Variants in GRIN2A observed in about 807,000 individuals in gnomAD.
The protein encoded by GRIN2A is glutamate ionotropic receptor NMDA type subunit 2A, also known as glutamate receptor ionotropic, NMDA 2A.
Under a neutral mutation model 113.4 loss-of-function variants are expected in GRIN2A, and 22 were observed. The observed-to-expected ratio is 0.19, with a 90% confidence interval of 0.14 to 0.28. The LOEUF (loss-of-function observed/expected upper bound fraction) is 0.28, where lower values mean the gene tolerates loss of function less well. Ranked by LOEUF, GRIN2A falls within the 10% of genes least tolerant of loss-of-function variation. The pLI is 1.00. For synonymous variants in GRIN2A, 827 were observed against 738.4 expected, an observed-to-expected ratio of 1.12 and a Z score of -1.94; for missense variants, 1,502 against 1,887.0, an observed-to-expected ratio of 0.80 and a Z score of 3.78.
intron 4 of GRIN2A, among the ~76,000 whole-genome samples, chr16:9,888,260 A>C (rs1431175808): frequency 1.3e-5 from 2 of 152,216 alleles, no homozygotes; most frequent in Non-Finnish European, 2.9e-5. Context: ...AGTGGCTAAC[A>C]GTGTCTTTAG....
intron 2 of GRIN2A, among the ~76,000 whole-genome samples, chr16:10,147,636 CA>C (rs35925963): frequency 0.59 from 69,920 of 118,392 alleles, 19,289 homozygotes; most frequent in East Asian, 0.9. Flanking sequence ...GGCCCTGTCT[CA>C]AAAAAAAAAA....
intron 7 of GRIN2A, among the ~76,000 whole-genome samples, chr16:9,839,130 T>G (rs563384091): frequency 1.3e-5 from 2 of 152,316 alleles, no homozygotes; most frequent in South Asian, 4.1e-4. Context: ...CTTCCCTAAT[T>G]TGGGACAAAC....
chr16:9,888,957 C>T (rs1289285838), intron 4 of GRIN2A, among the ~76,000 whole-genome samples: 3 of 151,972 alleles, frequency 2.0e-5, no homozygotes, highest in Non-Finnish European at 4.4e-5. Context: ...CCCACTTATC[C>T]ATGATGTATT....
intron 3 of GRIN2A, among the ~76,000 whole-genome samples, chr16:9,916,409 C>G (rs945674535): frequency 6.6e-5 from 10 of 152,102 alleles, no homozygotes; most frequent in South Asian, 2.1e-4. Flanking sequence ...TTTCATACAC[C>G]CTGAATCTGC....
At chr16:9,848,586 T>G (rs2042818724) in intron 5 of GRIN2A, among the ~76,000 whole-genome samples, 1 of 149,496 alleles carries the variant, frequency 6.7e-6, no homozygotes, top group Middle Eastern at 3.5e-3. Context: ...GTTTTACATA[T>G]TTTAATGTAT....
At chr16:9,860,246 A>G (rs560714968) in intron 4 of GRIN2A, among the ~76,000 whole-genome samples, 5 of 152,126 alleles carry the variant, frequency 3.3e-5, no homozygotes, top group Admixed American at 2.6e-4. Context: ...CCTCGAGATC[A>G]GGAGTTCCAG....
rs568341589 is a variant in GRIN2A, at chr16:10,039,893, C to T, written c.415-101342G>A. On this transcript the variant is annotated intron_variant, in intron 2 of 12. Transcript: ENST00000330684. The stretch of plus-strand genomic sequence containing the variant: ...GCGGCAGCCACACACTCACCAGGTA[C>T]ACACTCGCAATCCAGCACACTCACA... Among the ~76,000 whole-genome samples the T allele has an allele frequency of 1.1e-4, 16 of 149,134 alleles. No individual in the cohort carries two copies. The East Asian group carries it at 3.2e-3, about 30-fold the overall frequency.
At chr16:9,847,689 ATTT>A (rs1316571073) in intron 5 of GRIN2A, among the ~76,000 whole-genome samples, 2 of 149,756 alleles carry the variant, frequency 1.3e-5, no homozygotes, top group African/African-American at 4.9e-5. Flanking sequence ...TATGTTTTAT[ATTT>A]TTTAACAAAA....
At chr16:9,919,015 A>G (rs1186243619) in intron 3 of GRIN2A, among the ~76,000 whole-genome samples, 1 of 152,022 alleles carries the variant, frequency 6.6e-6, no homozygotes, top group Non-Finnish European at 1.5e-5. Flanking sequence ...TCTACTAAAA[A>G]TACAAAAGTT....
chr16:10,071,157 G>T (rs2047742824), intron 2 of GRIN2A, among the ~76,000 whole-genome samples: 1 of 152,204 alleles, frequency 6.6e-6, no homozygotes, highest in Non-Finnish European at 1.5e-5. Flanking sequence ...CTAGCACATG[G>T]CTGAATGTTG....
chr16:9,977,060 G>C (rs1183993179), intron 2 of GRIN2A, among the ~76,000 whole-genome samples: 1 of 152,186 alleles, frequency 6.6e-6, no homozygotes, highest in Non-Finnish European at 1.5e-5. Context: ...TGATCATAGT[G>C]ATTAATCTCT....
chr16:9,767,823 C>G (rs1311018074), intron 12 of GRIN2A, among the ~76,000 whole-genome samples: 2 of 152,192 alleles, frequency 1.3e-5, no homozygotes, highest in Admixed American at 1.3e-4. Flanking sequence ...TGTTTCCTTT[C>G]ATGTGCTATT....
chr16:10,048,479 A>G (rs2047297742), intron 2 of GRIN2A, among the ~76,000 whole-genome samples: 1 of 152,246 alleles, frequency 6.6e-6, no homozygotes, highest in African/African-American at 2.4e-5. Context: ...GGATAATTCC[A>G]GACTTTGTTA....
intron 4 of GRIN2A, among the ~76,000 whole-genome samples, chr16:9,882,041 T>TAC (rs1318847928): frequency 6.6e-6 from 1 of 151,174 alleles, no homozygotes; most frequent in East Asian, 1.9e-4. Flanking sequence ...TGATATCTCA[T>TAC]ACACACACAC....
intron 2 of GRIN2A, among the ~76,000 whole-genome samples, chr16:9,939,237 G>A (rs1397190677): frequency 6.6e-6 from 1 of 152,196 alleles, no homozygotes; most frequent in East Asian, 1.9e-4. Flanking sequence ...ATGAAGTGCT[G>A]AAGGAGAATC....
chr16:9,849,894 G>A lies in GRIN2A; in HGVS notation c.1190C>T (p.Ser397Phe). Residue 397 changes from serine (S) to phenylalanine (F), a missense_variant, in exon 5 of 13, where the codon TCC (serine) becomes TTC (phenylalanine). Physicochemically the swap from Ser to Phe is radical, Grantham distance 155. Around this residue, in one of 7 missense-constraint regions of GRIN2A, gnomAD observed 334 missense variants for 403.0 expected, o/e 0.83. Coordinates refer to ENST00000330684, the MANE Select transcript of GRIN2A (RefSeq NM_001134407.3). ...ATGGTTGTCATCCGGCTCACAGTCG[G>A]AGAAGGACTTGTACCTGGGCCACAC... ...HAVWPRYKSF[S>F]DCEPDDNHLS... 3 of 1,614,062 alleles carry A rather than the reference G, an allele frequency of 1.9e-6. No individual in the cohort carries two copies. The highest frequency in any genetic ancestry group is 2.5e-6 in the Non-Finnish European group (3 of 1,179,980).
At chr16:10,142,722 C>A (rs905961110) in intron 2 of GRIN2A, among the ~76,000 whole-genome samples, 3 of 152,040 alleles carry the variant, frequency 2.0e-5, no homozygotes, top group Admixed American at 1.3e-4. Flanking sequence ...AAATTTAAAC[C>A]AACCAAAGAC....
intron 2 of GRIN2A, among the ~76,000 whole-genome samples, chr16:10,114,099 A>C (rs7197357): frequency 6.6e-6 from 1 of 152,008 alleles, no homozygotes; most frequent in Admixed American, 6.5e-5. Context: ...GGCTGAGGCA[A>C]GAAAAATTGC....
chr16:10,133,974 G>C (rs1419447512), intron 2 of GRIN2A, among the ~76,000 whole-genome samples: 1 of 151,886 alleles, frequency 6.6e-6, no homozygotes, highest in Non-Finnish European at 1.5e-5. Flanking sequence ...CTTGAGCCCA[G>C]ACATTGGAGA....
Sources: gnomAD v4.1 joint callset for allele counts (sites outside exome capture counted in the v4.1 genomes callset) on GRCh38, gnomAD v4.1.1 for gene constraint, gnomAD v4.1.1 regional missense constraint, MANE v1.5 for transcripts, NCBI Gene and HGNC (gene_info 2026-07-23, HGNC 2026-07-21) for gene names.